Variants in RBFOX1 observed in about 807,000 individuals in gnomAD.
RBFOX1 encodes RNA binding protein fox-1 homolog 1.
In RBFOX1, 8 loss-of-function variants were observed where a neutral mutation model predicts 57.7. The observed-to-expected ratio is 0.14, with a 90% CI of 0.08 to 0.25. RBFOX1 has a LOEUF of 0.25. Among genes scored for constraint, RBFOX1 ranks in the 10% least tolerant of loss-of-function variants. The pLI is 1.00. For missense variants in RBFOX1, 611 were observed against 548.5 expected (o/e 1.11, Z -1.14); for synonymous variants, 326 against 222.4 (o/e 1.47, Z -4.15).
At chr16:6,311,383 A>C (rs1413387604) in intron 1 of RBFOX1, among the ~76,000 whole-genome samples, 1 of 151,718 alleles carries the variant, frequency 6.6e-6, no homozygotes, top group African/African-American at 2.4e-5. Context: ...ATAAAGGGAG[A>C]AAATGAATCT....
At chr16:6,714,205 G>C (rs746646045) in intron 3 of RBFOX1, among the ~76,000 whole-genome samples, 1 of 152,148 alleles carries the variant, frequency 6.6e-6, no homozygotes, top group African/African-American at 2.4e-5. Context: ...TGCCAAGATT[G>C]TAGGTTTCCT....
intron 4 of RBFOX1, among the ~76,000 whole-genome samples, chr16:7,259,495 A>T (rs1379262883): frequency 6.6e-6 from 1 of 152,130 alleles, no homozygotes; most frequent in Admixed American, 6.5e-5. Context: ...TGATACAAAT[A>T]CTGCTTTGAA....
intron 1 of RBFOX1, among the ~76,000 whole-genome samples, chr16:6,231,631 T>A (rs2152904700): frequency 6.6e-6 from 1 of 152,318 alleles, no homozygotes; most frequent in East Asian, 1.9e-4. Flanking sequence ...GAGAGCTATG[T>A]GGAGAAAAGA....
chr16:5,368,133 G>T (rs937082931), intron 1 of RBFOX1, among the ~76,000 whole-genome samples: 1 of 152,222 alleles, frequency 6.6e-6, no homozygotes, highest in African/African-American at 2.4e-5. Flanking sequence ...GTAATTCCCT[G>T]ATGTCATATC....
At chr16:7,369,099 A>G (rs1279917782) in intron 4 of RBFOX1, among the ~76,000 whole-genome samples, 1 of 152,130 alleles carries the variant, frequency 6.6e-6, no homozygotes, top group Non-Finnish European at 1.5e-5. Flanking sequence ...AAAAGAAGGA[A>G]GAAGGAGGTT....
intron 2 of RBFOX1, among the ~76,000 whole-genome samples, chr16:6,440,795 C>T (rs1432559473): frequency 3.3e-5 from 4 of 119,618 alleles, no homozygotes; most frequent in Admixed American, 3.3e-4. Flanking sequence ...AGCGAGACAC[C>T]ATCTGGAAAA....
In RBFOX1 at chr16:7,700,818, GGAAGAGGTTTTCAGAA is replaced by G. The variant is rs1412935995; in HGVS notation, c.996-8237_996-8222del. On this transcript the variant is annotated intron_variant, in intron 14 of 15. Coordinates refer to ENST00000550418, the MANE Select transcript of RBFOX1 (RefSeq NM_018723.4). ...AAATCTGCTGTTGGGTTTCAGAATA[GGAAGAGGTTTTCAGAA>G]TAGGAAGAGGTTTTGAATGGCATTG... Among the ~76,000 whole-genome samples the G allele has an allele frequency of 4.0e-5, 6 of 151,504 alleles. No individual in the cohort carries two copies. The East Asian group carries it at 1.2e-3, about 30-fold the overall frequency.
intron 1 of RBFOX1, among the ~76,000 whole-genome samples, chr16:5,291,923 G>T (rs1221713727): frequency 6.6e-6 from 1 of 152,042 alleles, no homozygotes; most frequent in African/African-American, 2.4e-5. Context: ...GGTTACTTGG[G>T]GTCCCTTTGT....
intron 4 of RBFOX1, among the ~76,000 whole-genome samples, chr16:7,407,469 G>A (rs762316446): frequency 7.2e-5 from 11 of 151,968 alleles, no homozygotes; most frequent in Admixed American, 1.3e-4. Flanking sequence ...ATTATTCTCA[G>A]ACAGGTATGA....
At chr16:6,708,130 A>G (rs1485790596) in intron 3 of RBFOX1, among the ~76,000 whole-genome samples, 1 of 152,070 alleles carries the variant, frequency 6.6e-6, no homozygotes, top group Non-Finnish European at 1.5e-5. Flanking sequence ...ACCCACAGAC[A>G]CCTGGCTTGG....
At chr16:5,643,970 T>G (rs559517519) in intron 3 of RBFOX1, among the ~76,000 whole-genome samples, 1 of 152,340 alleles carries the variant, frequency 6.6e-6, no homozygotes, top group Non-Finnish European at 1.5e-5. Context: ...TTGTACCTTT[T>G]CAAAAGGGCC....
chr16:7,420,940 C>CACATATATATATAT (rs2098536565), intron 4 of RBFOX1, among the ~76,000 whole-genome samples: 2 of 145,298 alleles, frequency 1.4e-5, no homozygotes, highest in African/African-American at 5.2e-5. Context: ...TATATATATA[C>CACATATATATATAT]ACACACACAC....
At chr16:5,508,268 C>T (rs2151714998) in intron 2 of RBFOX1, among the ~76,000 whole-genome samples, 1 of 152,286 alleles carries the variant, frequency 6.6e-6, no homozygotes, top group Non-Finnish European at 1.5e-5. Flanking sequence ...TGGGTGGATG[C>T]AGTCCTTTGT....
intron 3 of RBFOX1, among the ~76,000 whole-genome samples, chr16:6,904,591 A>C (rs2069306067): frequency 9.0e-6 from 1 of 111,496 alleles, no homozygotes; most frequent in Non-Finnish European, 1.7e-5. Context: ...ACAGAGTGAG[A>C]CTCTCTCTAA....
chr16:6,799,125 A>G (rs564353207), intron 3 of RBFOX1, among the ~76,000 whole-genome samples: 1 of 152,210 alleles, frequency 6.6e-6, no homozygotes, highest in African/African-American at 2.4e-5. Context: ...TGAATCCCAG[A>G]ACTGGGGCTC....
chr16:7,036,796 A>C (rs182204374), intron 3 of RBFOX1, among the ~76,000 whole-genome samples: 1 of 152,108 alleles, frequency 6.6e-6, no homozygotes, highest in Non-Finnish European at 1.5e-5. Flanking sequence ...GTTTATTAAG[A>C]AAGTAGGGGA....
chr16:7,359,589 C>G (rs867548412), intron 4 of RBFOX1, among the ~76,000 whole-genome samples: 2 of 152,194 alleles, frequency 1.3e-5, no homozygotes, highest in Admixed American at 6.5e-5. Flanking sequence ...ATTTGGGGCT[C>G]TTGAGTTAAA....
chr16:7,500,923 C>G (rs1019471057), intron 4 of RBFOX1, among the ~76,000 whole-genome samples: 3 of 152,168 alleles, frequency 2.0e-5, no homozygotes, highest in African/African-American at 7.2e-5. Context: ...TGAGTGACTT[C>G]TCATGAGATC....
intron 1 of RBFOX1, among the ~76,000 whole-genome samples, chr16:5,345,988 G>A (rs2065130984): frequency 6.6e-6 from 1 of 152,112 alleles, no homozygotes; most frequent in Non-Finnish European, 1.5e-5. Flanking sequence ...CATGCTCATG[G>A]AATAACATGG....
Sources: gnomAD v4.1 joint callset for allele counts (sites outside exome capture counted in the v4.1 genomes callset) on GRCh38, gnomAD v4.1.1 for gene constraint, MANE v1.5 for transcripts, NCBI Gene and HGNC (gene_info 2026-07-23, HGNC 2026-07-21) for gene names.